The following DSCAML1 variants were observed in gnomAD, a reference collection of about 807,000 sequenced individuals.
The protein encoded by DSCAML1 is cell adhesion molecule DSCAML1.
DSCAML1 carries 38 observed loss-of-function variants against 200.5 expected under a neutral mutation model. That is an observed-to-expected ratio of 0.19 (90% confidence interval 0.15 to 0.25). The LOEUF is 0.25. Among genes scored for constraint, DSCAML1 ranks in the 10% least tolerant of loss-of-function variants. The probability of loss-of-function intolerance (pLI) is 1.00; values close to 1 mark genes in which losing one functional copy is unlikely to be tolerated. For synonymous variants in DSCAML1, 1,215 were observed against 1,165.0 expected (o/e 1.04, Z -0.87); for missense variants, 2,223 against 2,858.8 (o/e 0.78, Z 5.07).
rs578039993 is a variant in DSCAML1, at chr11:117,605,343, C to G, written c.512-72821G>C. On this transcript the variant is annotated intron_variant, in intron 3 of 32. Coordinates refer to ENST00000651296, the MANE Select transcript of DSCAML1 (RefSeq NM_020693.4). Reference sequence around the variant, plus strand: ...CCATGCCCGCACCTCCTGAGCTTGGCTCCAGCCTCCCCATCCTAAAATCAA... The same window carrying G: ...CCATGCCCGCACCTCCTGAGCTTGGGTCCAGCCTCCCCATCCTAAAATCAA... 3.7e-4 allele frequency among the ~76,000 whole-genome samples: 56 copies of G among 152,278 alleles called. No homozygotes were observed. In the South Asian group the frequency reaches 5.4e-3, roughly 15 times the overall value.
intron 11 of DSCAML1, among the ~76,000 whole-genome samples, chr11:117,501,502 C>A (rs897423738): frequency 6.6e-5 from 10 of 152,268 alleles, no homozygotes; most frequent in African/African-American, 1.9e-4. Flanking sequence ...TGCCCTGGAG[C>A]CTTCGATGTC....
Position 117,480,604 on chromosome 11 carries a change from G to A in DSCAML1, c.2657-33C>T, listed in dbSNP as rs1390898869. 1.3e-6 allele frequency: 2 copies of A among 1,550,542 alleles called. No homozygotes were observed. The highest frequency in any genetic ancestry group is 1.7e-6 in the Non-Finnish European group (2 of 1,146,828). ...GCGGCAGTGGAGGGGAGGGAAGTGAGGAGGGCAGCAGGGAGCTTGGCCTCC... is the reference window on the plus strand; with the variant it reads ...GCGGCAGTGGAGGGGAGGGAAGTGAAGAGGGCAGCAGGGAGCTTGGCCTCC... On this transcript the variant is annotated intron_variant, in intron 13 of 32. Coordinates refer to ENST00000651296, the MANE Select transcript of DSCAML1 (RefSeq NM_020693.4). The surrounding 1 kb of genome is among the most constrained non-coding windows in gnomAD (Gnocchi z 4.1).
chr11:117,516,885 G>A lies in DSCAML1; in HGVS notation c.1511-146C>T, dbSNP rs1337948589. 9.8e-7 allele frequency: 1 copy of A among 1,015,796 alleles called. No individual in the cohort carries two copies. Among genetic ancestry groups the A allele is most frequent in the Non-Finnish European group, 1.4e-6 (1 of 714,462 alleles). The allele number at this position is 1,015,796 out of a possible 1,614,324, so 62.9% of individuals were successfully genotyped here. On this transcript the variant is annotated intron_variant, in intron 7 of 32. Transcript: ENST00000651296. This position sits in a 1 kb window ranked among gnomAD's most constrained non-coding sequence, Gnocchi z 5.7. The stretch of plus-strand genomic sequence containing the variant: ...GGCGGACATTTGGTGGGGGCACAGG[G>A]ATGCCTTTTTACAAAGCTACAGACA...
chr11:117,622,892 T>C (rs187672222), intron 3 of DSCAML1, among the ~76,000 whole-genome samples: 9 of 152,316 alleles, frequency 5.9e-5, no homozygotes, highest in Admixed American at 5.9e-4. Flanking sequence ...ATAATTATGT[T>C]TACTGAGTCC....
chr11:117,463,079 C>T lies in DSCAML1; in HGVS notation c.3266-1483G>A, dbSNP rs370646482. On this transcript the variant is annotated intron_variant, in intron 17 of 32. Transcript: ENST00000651296. This position sits in a 1 kb window ranked among gnomAD's most constrained non-coding sequence, Gnocchi z 4.0. ...CTGGCCTCGGCTCAGCACGACTGTT[C>T]CCTGGACACACCTTCCTAAAGCCTC... is the stretch of plus-strand genomic sequence containing the variant. Among the ~76,000 whole-genome samples the T allele has an allele frequency of 6.6e-6, 1 of 152,180 alleles. No individual in the cohort carries two copies. Among genetic ancestry groups the T allele is most frequent in the East Asian group, 1.9e-4 (1 of 5,192 alleles).
intron 3 of DSCAML1, among the ~76,000 whole-genome samples, chr11:117,654,680 A>C (rs1450587708): frequency 1.3e-5 from 2 of 152,220 alleles, no homozygotes; most frequent in Non-Finnish European, 2.9e-5. Flanking sequence ...TTATGGGCTC[A>C]GAGTCCTGCA....
chr11:117,696,250 A>C (rs1260359038), intron 3 of DSCAML1, among the ~76,000 whole-genome samples: 2 of 152,180 alleles, frequency 1.3e-5, no homozygotes, highest in Non-Finnish European at 2.9e-5. Flanking sequence ...CAGAGGGGGA[A>C]GTTGAGCTGG....
At chr11:117,485,096 C>A (rs2049016760) in intron 11 of DSCAML1, among the ~76,000 whole-genome samples, 1 of 152,168 alleles carries the variant, frequency 6.6e-6, no homozygotes, top group African/African-American at 2.4e-5. Context: ...TGGGTGCTGC[C>A]TGGTGCCGGG....
At chr11:117,556,711 T>G (rs2050565187) in intron 3 of DSCAML1, among the ~76,000 whole-genome samples, 1 of 152,136 alleles carries the variant, frequency 6.6e-6, no homozygotes, top group African/African-American at 2.4e-5. Flanking sequence ...TGCTGACCAC[T>G]GAAGAGATGG....
chr11:117,443,188 T>C (rs1184628556), intron 21 of DSCAML1, among the ~76,000 whole-genome samples: 1 of 152,206 alleles, frequency 6.6e-6, no homozygotes, highest in Non-Finnish European at 1.5e-5. Context: ...GGGCTAGTTG[T>C]GGCCAGTTCC....
chr11:117,780,767 G>C lies in DSCAML1; in HGVS notation c.90C>G (p.Asp30Glu). 6.6e-7 allele frequency: 1 copy of C among 1,515,498 alleles called. No homozygotes were observed. The allele number at this position is 1,515,498 out of a possible 1,614,324, so 93.9% of individuals were successfully genotyped here. Residue 30 changes from aspartate (D) to glutamate (E), a missense_variant, in exon 2 of 33, where the codon GAC (aspartate) becomes GAG (glutamate). Asp to Glu is a conservative substitution (Grantham distance 45). Around this residue, in one of 7 missense-constraint regions of DSCAML1, gnomAD observed 579 missense variants for 721.5 expected, o/e 0.80. Coordinates refer to ENST00000651296, the MANE Select transcript of DSCAML1 (RefSeq NM_020693.4). This position sits in a 1 kb window ranked among gnomAD's most constrained non-coding sequence, Gnocchi z 4.8. ...TGGAAAAGGTCACCTGCTGCAAGGA[G>C]TCATTTACAAAGTAGAGGCTGGTGC... The part of the protein sequence containing the change: ...DVGTSLYFVN[D>E]SLQQVTFSSS...
At chr11:117,796,554 C>T (rs183216017) in intron 1 of DSCAML1, among the ~76,000 whole-genome samples, 1 of 152,364 alleles carries the variant, frequency 6.6e-6, no homozygotes, top group Non-Finnish European at 1.5e-5. Flanking sequence ...CGCGCCAGGG[C>T]TGGGGTCCGC....
intron 3 of DSCAML1, among the ~76,000 whole-genome samples, chr11:117,760,076 C>T (rs964183799): frequency 3.3e-5 from 5 of 152,272 alleles, no homozygotes; most frequent in East Asian, 1.9e-4. Context: ...CTCCTATCTC[C>T]GCACTCCCAT....
At chr11:117,635,510 C>G (rs905670030) in intron 3 of DSCAML1, among the ~76,000 whole-genome samples, 2 of 151,622 alleles carry the variant, frequency 1.3e-5, no homozygotes, top group Admixed American at 1.3e-4. Context: ...CTGGTGAATT[C>G]TCCATTTCCC....
intron 14 of DSCAML1, among the ~76,000 whole-genome samples, chr11:117,474,900 G>GCC (rs1320113367): frequency 2.0e-5 from 3 of 151,982 alleles, no homozygotes; most frequent in Non-Finnish European, 2.9e-5. Flanking sequence ...GACTACAGGC[G>GCC]CATGCCACCA....
At chr11:117,494,443 C>T (rs778430174) in intron 11 of DSCAML1, among the ~76,000 whole-genome samples, 24 of 152,118 alleles carry the variant, frequency 1.6e-4, no homozygotes, top group Non-Finnish European at 2.8e-4. Flanking sequence ...TTAGACTTGA[C>T]CTAGAGGGAT....
At chr11:117,442,353 T>C (rs535441410) in intron 21 of DSCAML1, among the ~76,000 whole-genome samples, 3 of 151,740 alleles carry the variant, frequency 2.0e-5, no homozygotes, top group Non-Finnish European at 2.9e-5. Context: ...TGTGTGCATG[T>C]GTGTATGCAT....
In DSCAML1 at chr11:117,428,798, A is replaced by G. The variant is rs2047721876; in HGVS notation, c.5692T>C (p.Tyr1898His). 4 of 1,598,544 alleles carry G rather than the reference A, an allele frequency of 2.5e-6. No homozygotes were observed. The highest frequency in any genetic ancestry group is 3.4e-6 in the Non-Finnish European group (4 of 1,174,644). Residue 1898 changes from tyrosine to histidine, a missense_variant, in exon 33 of 33, where the codon TAC (tyrosine) becomes CAC (histidine). Physicochemically the swap from Tyr to His is moderately conservative, Grantham distance 83. Around this residue, in one of 7 missense-constraint regions of DSCAML1, gnomAD observed 96 missense variants for 160.7 expected, o/e 0.60. Transcript: ENST00000651296. ...PIPHRANKSD[Y>H]CNLPLYAKSE... ...TTGGCATACAGGGGCAGGTTGCAGT[A>G]GTCACCTGGAATCACAGAGGCAGAG...
At chr11:117,433,296 T>C (rs766550969) in intron 28 of DSCAML1, 40 bp from the exon 29 acceptor site, 1 of 1,585,082 alleles carries the variant, frequency 6.3e-7, no homozygotes. Context: ...TCAGCAGCCA[T>C]AAGGGGTTGG....
Sources: allele counts gnomAD v4.1 joint callset (sites outside exome capture counted in the v4.1 genomes callset), GRCh38; gene constraint gnomAD v4.1.1; regional missense constraint gnomAD v4.1.1; non-coding constraint Gnocchi (gnomAD v3.1); transcripts MANE v1.5; gene names NCBI Gene and HGNC (gene_info 2026-07-23, HGNC 2026-07-21).